Variants in DDO observed in about 807,000 individuals in gnomAD.
DDO encodes D-aspartate oxidase.
A neutral mutation model predicts 16.8 loss-of-function variants in DDO; 16 were observed. The ratio of observed to expected loss-of-function variants is 0.95; its 90% CI spans 0.65 to 1.45. DDO has a LOEUF of 1.45. DDO is among the 40% of genes most tolerant of loss of function. DDO has a pLI of 0.00. For synonymous variants in DDO, 180 were observed against 167.2 expected, an observed-to-expected ratio of 1.08 and a Z score of -0.59; for missense variants, 429 against 420.3, an observed-to-expected ratio of 1.02 and a Z score of -0.18.
Position 110,413,930 on chromosome 6 carries a change from C to T in DDO, c.-4-464G>A, listed in dbSNP as rs141605604. ...CTGGGATTACAGGTGCCCACCACCA[C>T]GCCAGGTTAATTTTTGTATTTTTAG... On this transcript the variant is annotated intron_variant, in intron 1 of 4. Coordinates refer to ENST00000368924, the MANE Select transcript of DDO (RefSeq NM_001372108.2). Among the ~76,000 whole-genome samples, 1,239 of 152,244 alleles carry T rather than the reference C, an allele frequency of 8.1e-3. 61 individuals are homozygous for T. The highest frequency in any genetic ancestry group is 0.074 in the Admixed American group (1,132 of 15,290).
chr6:110,404,933 C>G lies in DDO; in HGVS notation c.299G>C (p.Ser100Thr). 3 of 1,614,134 alleles carry G rather than the reference C, an allele frequency of 1.9e-6. No homozygotes were observed. Among genetic ancestry groups the G allele is most frequent in the Non-Finnish European group, 2.5e-6 (3 of 1,180,018 alleles). The change falls in exon 4 of 5, where the codon AGC (serine) becomes ACC (threonine). Residue 100 changes from serine to threonine, a missense_variant. By Grantham distance (58) the Ser-to-Thr change is moderately conservative (BLOSUM62 1). Transcript: ENST00000368924. ...HLVSGWQIFQ[S>T]TPTEEVPFWA... ...GAATGGCACTTCTTCAGTCGGAGTGCTCTGAAATATCTGCCAACTCAAACG... is the reference window on the plus strand; with the variant it reads ...GAATGGCACTTCTTCAGTCGGAGTGGTCTGAAATATCTGCCAACTCAAACG...
At chr6:110,413,142 C>CA (rs1464630802) in intron 2 of DDO, 149 bp downstream of exon 2, 13 of 969,690 alleles carry the variant, frequency 1.3e-5, no homozygotes, top group African/African-American at 1.0e-4. Flanking sequence ...GACCCTGTCT[C>CA]AAAAAAAGAG....
chr6:110,393,905 TA>T (rs1773202232), intron 4 of DDO, among the ~76,000 whole-genome samples: 2 of 152,208 alleles, frequency 1.3e-5, no homozygotes, highest in Admixed American at 6.5e-5. Context: ...GTAATTACTA[TA>T]TTTTTTGGAC....
At chr6:110,413,236 A>G (rs962329950) in intron 2 of DDO, 55 bp downstream of exon 2, 1 of 1,577,230 alleles carries the variant, frequency 6.3e-7, no homozygotes, top group Non-Finnish European at 8.7e-7. Context: ...GAATTCCACT[A>G]ACATCATTCT....
At chr6:110,389,222 A>G (rs868483074), downstream of DDO, among the ~76,000 whole-genome samples, 1 of 152,208 alleles carries the variant, frequency 6.6e-6, no homozygotes, top group Non-Finnish European at 1.5e-5. Flanking sequence ...GGATTTCAGC[A>G]CTGTGGCCTT....
intron 2 of DDO, among the ~76,000 whole-genome samples, chr6:110,409,618 T>A (rs1453076758): frequency 6.6e-6 from 1 of 152,242 alleles, no homozygotes; most frequent in Non-Finnish European, 1.5e-5. Context: ...TAGTAGCGAA[T>A]CTGTACTGCC....
intron 2 of DDO, among the ~76,000 whole-genome samples, chr6:110,412,771 C>G (rs535239370): frequency 6.6e-6 from 1 of 152,320 alleles, no homozygotes; most frequent in Non-Finnish European, 1.5e-5. Flanking sequence ...AAACTTTTGC[C>G]TTTTAAGCTG....
In DDO at chr6:110,413,322, T is replaced by C. The variant is rs768784974; in HGVS notation, c.141A>G (p.Ala47=). ...AAGTGTGAGGAATAAGCATTCCGGC[T>C]GCCACATCACTGGTGGTATCTGGAG... ...KFTPDTTSDV[A]AGMLIPHTYP... The change falls in exon 2 of 5, where the codon GCA becomes GCG. Residue 47 remains alanine, a synonymous_variant. Transcript: ENST00000368924. The C allele has an allele frequency of 2.5e-6, 4 of 1,614,208 alleles. No homozygotes were observed. The Admixed American group carries it at 6.7e-5, about 27-fold the overall frequency.
chr6:110,405,203 A>T (rs1773612140), intron 3 of DDO, among the ~76,000 whole-genome samples: 1 of 152,040 alleles, frequency 6.6e-6, no homozygotes, highest in South Asian at 2.1e-4. Flanking sequence ...CACCTGACTA[A>T]TTTTTAAAAT....
downstream of DDO, among the ~76,000 whole-genome samples, chr6:110,390,205 C>T (rs1306172635): frequency 6.6e-6 from 1 of 152,136 alleles, no homozygotes. Flanking sequence ...AATGGTGACG[C>T]TAGCAGTGGG....
intron 1 of DDO, among the ~76,000 whole-genome samples, chr6:110,415,032 G>A (rs1582499830): frequency 1.3e-5 from 2 of 152,340 alleles, no homozygotes; most frequent in South Asian, 2.1e-4. Flanking sequence ...TATTCCTCGA[G>A]CAGTCTATGC....
intron 4 of DDO, among the ~76,000 whole-genome samples, chr6:110,396,094 T>C (rs1773282013): frequency 6.6e-6 from 1 of 152,168 alleles, no homozygotes; most frequent in Non-Finnish European, 1.5e-5. Context: ...GAGACCAAGA[T>C]TGCTACTCAA....
intron 4 of DDO, among the ~76,000 whole-genome samples, chr6:110,400,819 GC>G (rs1282573957): frequency 6.6e-6 from 1 of 152,228 alleles, no homozygotes; most frequent in Non-Finnish European, 1.5e-5. Context: ...GCTCATCTGA[GC>G]CGCACCTTCT....
chr6:110,395,909 T>C (rs79133974), intron 4 of DDO, among the ~76,000 whole-genome samples: 3,818 of 152,222 alleles, frequency 0.025, 100 homozygotes, highest in African/African-American at 0.063. Context: ...GGTGCATGCC[T>C]ATAATTCCAG....
intron 4 of DDO, among the ~76,000 whole-genome samples, chr6:110,400,733 T>C (rs1322058387): frequency 6.6e-6 from 1 of 152,250 alleles, no homozygotes; most frequent in Admixed American, 6.5e-5. Context: ...AGAAAGTTTG[T>C]GAAGAAACGC....
At chr6:110,388,689 A>C, downstream of DDO, 2 of 514,728 alleles carry the variant, frequency 3.9e-6, no homozygotes, top group Middle Eastern at 9.8e-4. Flanking sequence ...ACACGCTGGC[A>C]ATGACAGGGC....
chr6:110,407,237 T>C (rs1408042065), intron 3 of DDO, among the ~76,000 whole-genome samples: 3 of 152,252 alleles, frequency 2.0e-5, no homozygotes, highest in Non-Finnish European at 4.4e-5. Context: ...GGACTCATGT[T>C]GGATTTGGAC....
At chr6:110,400,848 AG>A (rs1166193187) in intron 4 of DDO, among the ~76,000 whole-genome samples, 1 of 152,246 alleles carries the variant, frequency 6.6e-6, no homozygotes, top group Non-Finnish European at 1.5e-5. Context: ...GGGCACCCAG[AG>A]GACCCCTGTC....
At position 110,415,248 on chromosome 6, in the gene DDO, G is replaced by A. The variant is rs140593179; in HGVS notation, c.-5+219C>T. ...GTTTCACATCAGCCTCCCATGTCCA[G>A]CAACTCTCTCAAAACAGCTCTAATA... On this transcript the variant is annotated intron_variant, in intron 1 of 4. Coordinates refer to ENST00000368924, the MANE Select transcript of DDO (RefSeq NM_001372108.2). Among the ~76,000 whole-genome samples the A allele has an allele frequency of 5.3e-5, 8 of 152,318 alleles. No homozygotes were observed. In the East Asian group the frequency reaches 1.5e-3, roughly 29 times the overall value.
Sources: gnomAD v4.1 joint callset for allele counts (sites outside exome capture counted in the v4.1 genomes callset) on GRCh38, gnomAD v4.1.1 for gene constraint, MANE v1.5 for transcripts, NCBI Gene and HGNC (gene_info 2026-07-23, HGNC 2026-07-21) for gene names.